DOCK2: variants seen among roughly 807,000 people sequenced by gnomAD.
DOCK2 encodes the protein dedicator of cytokinesis protein 2.
DOCK2 carries 87 observed loss-of-function variants against 248.9 expected under a neutral mutation model. The ratio of observed to expected loss-of-function variants is 0.35; its 90% CI spans 0.29 to 0.42. The LOEUF is 0.42. DOCK2 is among the 10% of genes least tolerant of loss of function. The pLI is 1.00. For synonymous variants in DOCK2, 805 were observed against 821.6 expected (o/e 0.98, Z 0.35); for missense variants, 1,747 against 2,300.2 (o/e 0.76, Z 4.92).
chr5:169,689,145 C>A, intron 8 of DOCK2, 107 bp from the exon 9 acceptor site: 1 of 1,020,294 alleles, frequency 9.8e-7, no homozygotes, highest in Non-Finnish European at 1.5e-6. Context: ...TGCATACCCC[C>A]AGCAGCCAGT....
chr5:169,932,234 C>G (rs954602024), intron 27 of DOCK2, among the ~76,000 whole-genome samples: 1 of 152,062 alleles, frequency 6.6e-6, no homozygotes, highest in Non-Finnish European at 1.5e-5. Context: ...AGGGTGGGTC[C>G]CTGAGTTTAC....
At position 169,669,454 on chromosome 5, in the gene DOCK2, C is replaced by T. The variant is rs909350911; in HGVS notation, c.168+126C>T. 5 of 1,029,510 alleles carry T rather than the reference C, an allele frequency of 4.9e-6. No individual in the cohort carries two copies. The African/African-American group carries it at 6.3e-5, about 13-fold the overall frequency. The allele number at this position is 1,029,510 out of a possible 1,614,324, so 63.8% of individuals were successfully genotyped here. On this transcript the variant is annotated intron_variant, in intron 3 of 51. Coordinates refer to ENST00000520908, the MANE Select transcript of DOCK2 (RefSeq NM_004946.3). ...GGGAATCCATCTCTCCCTCCTGTGC[C>T]CTGTGCTCTCTGACCTCTGTGCCTT...
chr5:170,077,113 GAC>G (rs1457743901), intron 47 of DOCK2, among the ~76,000 whole-genome samples: 1 of 152,206 alleles, frequency 6.6e-6, no homozygotes, highest in Non-Finnish European at 1.5e-5. Context: ...CAGGTAAAGA[GAC>G]ACAGAGTGAG....
At chr5:170,077,952 T>A (rs72828649) in intron 48 of DOCK2, 115 bp downstream of exon 48, 33,554 of 875,148 alleles carry the variant, frequency 0.038, 1,572 homozygotes, top group African/African-American at 0.2. Context: ...CTCCTTTCAG[T>A]TTAAAAGCCT....
At chr5:169,902,510 G>A (rs369635485) in intron 27 of DOCK2, among the ~76,000 whole-genome samples, 1 of 152,212 alleles carries the variant, frequency 6.6e-6, no homozygotes, top group East Asian at 1.9e-4. Context: ...TTAAGGTCAA[G>A]TAGAGTGGTT....
At chr5:170,021,077 G>A (rs1195449830) in intron 33 of DOCK2, among the ~76,000 whole-genome samples, 1 of 152,240 alleles carries the variant, frequency 6.6e-6, no homozygotes, top group African/African-American at 2.4e-5. Flanking sequence ...ATCACTGTGA[G>A]AGGTAGCATT....
At chr5:169,898,838 C>T (rs758101179) in intron 27 of DOCK2, among the ~76,000 whole-genome samples, 34 of 151,996 alleles carry the variant, frequency 2.2e-4, no homozygotes, top group Middle Eastern at 3.2e-3. Flanking sequence ...AGATTTGGCC[C>T]GTGGACGGTA....
chr5:169,826,790 C>T (rs144794389), intron 26 of DOCK2, among the ~76,000 whole-genome samples: 1 of 152,294 alleles, frequency 6.6e-6, no homozygotes, highest in African/African-American at 2.4e-5. Flanking sequence ...TTTCTCCCAG[C>T]TGGCTCTGCA....
intron 5 of DOCK2, 134 bp from the exon 6 acceptor site, chr5:169,674,163 T>G: frequency 2.0e-6 from 2 of 1,000,450 alleles, no homozygotes; most frequent in Non-Finnish European, 2.8e-6. Context: ...CTAATCCTTT[T>G]GTAGTGGGTA....
intron 27 of DOCK2, among the ~76,000 whole-genome samples, chr5:169,892,067 C>G (rs549864797): frequency 7.2e-5 from 11 of 151,748 alleles, no homozygotes; most frequent in African/African-American, 2.2e-4. Flanking sequence ...AACTTTAGAC[C>G]TTGGGGAGAA....
intron 27 of DOCK2, among the ~76,000 whole-genome samples, chr5:169,896,115 G>A (rs573017407): frequency 5.9e-5 from 9 of 152,250 alleles, no homozygotes; most frequent in African/African-American, 1.7e-4. Context: ...CACAGGGATT[G>A]GAAGGAGCTC....
chr5:169,831,604 C>T (rs1211322417), intron 26 of DOCK2, among the ~76,000 whole-genome samples: 4 of 152,234 alleles, frequency 2.6e-5, no homozygotes, highest in Admixed American at 2.0e-4. Flanking sequence ...TAGCAGACCA[C>T]AGCCAAGCAC....
intron 46 of DOCK2, among the ~76,000 whole-genome samples, chr5:170,072,124 T>C (rs1757698132): frequency 6.6e-6 from 1 of 152,166 alleles, no homozygotes; most frequent in Non-Finnish European, 1.5e-5. Flanking sequence ...TATGCAAAAT[T>C]TTTGTTGGGT....
At chr5:169,651,843 A>G (rs190959479) in intron 1 of DOCK2, among the ~76,000 whole-genome samples, 88 of 152,344 alleles carry the variant, frequency 5.8e-4, no homozygotes, top group Non-Finnish European at 1.1e-3. Context: ...GCTTTTGGAC[A>G]AAGGATTAAT....
intron 22 of DOCK2, among the ~76,000 whole-genome samples, chr5:169,741,091 T>C (rs987629907): frequency 2.0e-5 from 3 of 152,068 alleles, no homozygotes; most frequent in Non-Finnish European, 4.4e-5. Context: ...TCCCAAAGTG[T>C]TGGGATTATA....
chr5:169,979,740 C>T (rs886426882), intron 27 of DOCK2, among the ~76,000 whole-genome samples: 7 of 152,154 alleles, frequency 4.6e-5, no homozygotes, highest in African/African-American at 1.4e-4. Flanking sequence ...CCAAAAGGCA[C>T]GCAACCGGGT....
At chr5:169,997,946 T>G (rs879708606) in intron 30 of DOCK2, 1 of 456,352 alleles carries the variant, frequency 2.2e-6, no homozygotes, top group Admixed American at 2.3e-5. Context: ...ATCTGTAAAA[T>G]GCAACAACTA....
intron 41 of DOCK2, among the ~76,000 whole-genome samples, chr5:170,051,783 AAAAAG>A (rs1756926191): frequency 6.6e-6 from 1 of 152,214 alleles, no homozygotes; most frequent in Non-Finnish European, 1.5e-5. Context: ...TAATAGAAAT[AAAAAG>A]AAAACAACAC....
intron 26 of DOCK2, among the ~76,000 whole-genome samples, chr5:169,810,989 TCACACACA>T (rs55987604): frequency 0.015 from 1,448 of 97,310 alleles, 21 homozygotes; most frequent in African/African-American, 0.044. Context: ...TCTCTCTCTC[TCACACACA>T]CACACACACA....
Sources: gnomAD v4.1 joint callset for allele counts (sites outside exome capture counted in the v4.1 genomes callset) on GRCh38, gnomAD v4.1.1 for gene constraint, MANE v1.5 for transcripts, NCBI Gene and HGNC (gene_info 2026-07-23, HGNC 2026-07-21) for gene names.